The following DYNLRB1 variants were observed in gnomAD, a reference collection of about 807,000 sequenced individuals.
The protein encoded by DYNLRB1 is ROBL/LC7-like 1.
Under a neutral mutation model 13.5 loss-of-function variants are expected in DYNLRB1, and 6 were observed. The observed-to-expected ratio is 0.44, with a 90% CI of 0.24 to 0.88. DYNLRB1 has a LOEUF of 0.88. Ranked by LOEUF, DYNLRB1 falls within the 40% of genes least tolerant of loss-of-function variation. DYNLRB1 has a pLI of 0.21. For synonymous variants in DYNLRB1, 43 were observed against 45.0 expected (o/e 0.96, Z 0.18); for missense variants, 93 against 127.2 (o/e 0.73, Z 1.29).
intron 2 of DYNLRB1, 137 bp downstream of exon 2, chr20:34,526,480 GTGTTC>G: frequency 5.2e-6 from 2 of 386,136 alleles, no homozygotes; most frequent in East Asian, 5.0e-5. Flanking sequence ...AACACCTCCA[GTGTTC>G]TTTTTTTTTT....
rs1451349569 is a variant in DYNLRB1 at position 34,516,968 on chromosome 20, T to G, written c.3+507T>G. The G allele has an allele frequency of 2.6e-4, 341 of 1,334,740 alleles. 1 individual carries two copies. The highest frequency in any genetic ancestry group is 2.4e-5 in the Non-Finnish European group (25 of 1,040,446). The allele number at this position is 1,334,740 out of a possible 1,614,324, so 82.7% of individuals were successfully genotyped here. ...GCTTTGCCCCAGGAAATAGTGGAGA[T>G]GGATTTGAACCCTAGAAGCTTGACG... On this transcript the variant is annotated intron_variant, in intron 1 of 3. Coordinates refer to ENST00000357156, the MANE Select transcript of DYNLRB1 (RefSeq NM_014183.4).
intron 2 of DYNLRB1, 181 bp downstream of exon 2, chr20:34,526,524 G>C: frequency 1.8e-6 from 1 of 564,244 alleles, no homozygotes; most frequent in South Asian, 2.3e-5. Flanking sequence ...GGCTAGTCAG[G>C]TGAAGCAGCG....
chr20:34,529,896 C>A, intron 2 of DYNLRB1: 1 of 1,522,122 alleles, frequency 6.6e-7, no homozygotes. Context: ...GAGCAGGCCC[C>A]CTGCTCAGGG....
chr20:34,528,158 A>T (rs1282680132), intron 2 of DYNLRB1, among the ~76,000 whole-genome samples: 1 of 92,600 alleles, frequency 1.1e-5, no homozygotes, highest in Non-Finnish European at 2.3e-5. Flanking sequence ...TAAAAATACA[A>T]AAAATTAGCC....
intron 2 of DYNLRB1, among the ~76,000 whole-genome samples, chr20:34,528,983 TA>T (rs113792309): frequency 4.8e-4 from 68 of 141,466 alleles, no homozygotes; most frequent in East Asian, 1.0e-3. Flanking sequence ...CTTGTCTCTT[TA>T]AAAAAAAAAA....
At chr20:34,524,977 G>T (rs1025414280) in intron 1 of DYNLRB1, among the ~76,000 whole-genome samples, 2 of 152,088 alleles carry the variant, frequency 1.3e-5, no homozygotes, top group African/African-American at 4.8e-5. Flanking sequence ...CGCCCATCTC[G>T]GCCTCCCAAA....
At chr20:34,534,840 A>G in intron 3 of DYNLRB1, 45 bp downstream of exon 3, 2 of 1,613,282 alleles carry the variant, frequency 1.2e-6, no homozygotes, top group Admixed American at 1.7e-5. Context: ...ACCTCATGGC[A>G]CATTCTCTGT....
At chr20:34,516,280 T>G, upstream of DYNLRB1, 1 of 1,027,074 alleles carries the variant, frequency 9.7e-7, no homozygotes, top group Admixed American at 2.5e-5. Flanking sequence ...TTTGCCACAG[T>G]GGAAAGCAGA....
chr20:34,530,016 C>G, intron 2 of DYNLRB1: 3 of 1,262,650 alleles, frequency 2.4e-6, no homozygotes, highest in Middle Eastern at 2.9e-4. Context: ...ACTTCTTGCT[C>G]TAAGACCTGA....
intron 2 of DYNLRB1, chr20:34,529,964 C>A: frequency 7.2e-7 from 1 of 1,382,560 alleles, no homozygotes; most frequent in South Asian, 1.6e-5. Context: ...CAGCCCTCAA[C>A]TGCCTCGAGT....
intron 3 of DYNLRB1, chr20:34,535,035 A>T: frequency 1.5e-6 from 2 of 1,351,012 alleles, no homozygotes; most frequent in African/African-American, 1.5e-5. Flanking sequence ...ACACGTGAGC[A>T]TCATGTGTGT....
At chr20:34,527,409 T>G (rs1039125484) in intron 2 of DYNLRB1, among the ~76,000 whole-genome samples, 6 of 152,220 alleles carry the variant, frequency 3.9e-5, no homozygotes, top group Non-Finnish European at 5.9e-5. Context: ...TAACTAAGAA[T>G]GAACAGCGTA....
In DYNLRB1 at chr20:34,540,711, G is replaced by A; in HGVS notation, c.*87G>A. The A allele has an allele frequency of 7.1e-7, 1 of 1,408,940 alleles. No homozygotes were observed. Among genetic ancestry groups the A allele is most frequent in the African/African-American group, 1.4e-5 (1 of 70,300 alleles). 87.3% of individuals were successfully genotyped at this position (1,408,940 alleles called of 1,614,324 possible). ...AATCATGTCAGTGGACTAGCACATG[G>A]CAGTCGCTTGGAACCCACTCACACC... is the stretch of plus-strand genomic sequence containing the variant. On this transcript the variant is annotated 3_prime_UTR_variant, in exon 4 of 4. Coordinates refer to ENST00000357156, the MANE Select transcript of DYNLRB1 (RefSeq NM_014183.4).
intron 1 of DYNLRB1, 113 bp from the exon 2 acceptor site, chr20:34,526,155 T>A (rs1195248012): frequency 1.7e-6 from 2 of 1,155,592 alleles, no homozygotes; most frequent in Non-Finnish European, 2.5e-6. Context: ...GCCAGGTGCC[T>A]GAGTATTACT....
chr20:34,522,469 CTTT>C (rs771811577), intron 1 of DYNLRB1, among the ~76,000 whole-genome samples: 13 of 77,214 alleles, frequency 1.7e-4, no homozygotes, highest in East Asian at 4.0e-4. Flanking sequence ...TTTTCTTTTT[CTTT>C]TTTTTTTTTT....
Position 34,540,881 on chromosome 20 carries a change from T to G in DYNLRB1, c.*257T>G. On this transcript the variant is annotated 3_prime_UTR_variant, in exon 4 of 4. Coordinates refer to ENST00000357156, the MANE Select transcript of DYNLRB1 (RefSeq NM_014183.4). ...AGCTTGCAGGAAGCCCGCACCCAGC[T>G]TCCTTCTGACCTTCAGTTCACTTTG... The G allele has an allele frequency of 2.2e-6, 1 of 458,150 alleles. No homozygotes were observed. The highest frequency in any genetic ancestry group is 3.8e-6 in the Non-Finnish European group (1 of 261,176). The allele number at this position is 458,150 out of a possible 1,614,324, so 28.4% of individuals were successfully genotyped here.
At chr20:34,520,187 T>C (rs1176439116) in intron 1 of DYNLRB1, among the ~76,000 whole-genome samples, 1 of 152,232 alleles carries the variant, frequency 6.6e-6, no homozygotes, top group Non-Finnish European at 1.5e-5. Flanking sequence ...CCAGTTTCAC[T>C]GTGCCACATA....
rs1981514852 is a variant in DYNLRB1 at position 34,540,719 on chromosome 20, T to C, written c.*95T>C. 1 of 1,335,976 alleles carries C rather than the reference T, an allele frequency of 7.5e-7. No homozygotes were observed. Among genetic ancestry groups the C allele is most frequent in the South Asian group, 1.2e-5 (1 of 80,922 alleles). The allele number at this position is 1,335,976 out of a possible 1,614,324, so 82.8% of individuals were successfully genotyped here. ...CAGTGGACTAGCACATGGCAGTCGCTTGGAACCCACTCACACCAATCCAGT... is the reference window on the plus strand; with the variant it reads ...CAGTGGACTAGCACATGGCAGTCGCCTGGAACCCACTCACACCAATCCAGT... On this transcript the variant is annotated 3_prime_UTR_variant, in exon 4 of 4. Transcript: ENST00000357156.
intron 1 of DYNLRB1, among the ~76,000 whole-genome samples, chr20:34,521,981 TG>T (rs963863344): frequency 1.8e-4 from 27 of 151,922 alleles, no homozygotes; most frequent in African/African-American, 6.3e-4. Context: ...AAGGCTGCAG[TG>T]AGCCATGATC....
Sources: allele counts gnomAD v4.1 joint callset (sites outside exome capture counted in the v4.1 genomes callset), GRCh38; gene constraint gnomAD v4.1.1; transcripts MANE v1.5; gene names NCBI Gene and HGNC (gene_info 2026-07-23, HGNC 2026-07-21).